The following TMOD1 variants were observed in gnomAD, a reference collection of about 807,000 sequenced individuals.
TMOD1 encodes tropomodulin-1.
Under a neutral mutation model 40.6 loss-of-function variants are expected in TMOD1, and 17 were observed. The observed-to-expected ratio is 0.42, with a 90% confidence interval of 0.29 to 0.63. The LOEUF is 0.63. Ranked by LOEUF, TMOD1 falls within the 20% of genes least tolerant of loss-of-function variation. The pLI is 0.22. For synonymous variants in TMOD1, 181 were observed against 175.0 expected, an observed-to-expected ratio of 1.03 and a Z score of -0.27; for missense variants, 391 against 447.6, an observed-to-expected ratio of 0.87 and a Z score of 1.14.
In TMOD1 at chr9:97,519,375, C is replaced by T. The variant is rs1017132650; in HGVS notation, c.-48-4766C>T. On this transcript the variant is annotated intron_variant, in intron 1 of 9. Coordinates refer to ENST00000259365, the MANE Select transcript of TMOD1 (RefSeq NM_003275.4). ...TTCTGCCACAGAGAAGCGGGGTGGCCGGATATGCTGTAAGTGTAAAATAGA... is the reference window on the plus strand; with the variant it reads ...TTCTGCCACAGAGAAGCGGGGTGGCTGGATATGCTGTAAGTGTAAAATAGA... Among the ~76,000 whole-genome samples the T allele has an allele frequency of 2.6e-5, 4 of 152,056 alleles. No homozygotes were observed. In the East Asian group the frequency reaches 7.7e-4, roughly 29 times the overall value.
chr9:97,560,767 G>A (rs1260274031), intron 4 of TMOD1, among the ~76,000 whole-genome samples: 2 of 151,564 alleles, frequency 1.3e-5, no homozygotes, highest in Admixed American at 1.3e-4. Context: ...GGGAGGCTGA[G>A]GCAGAGAATT....
At chr9:97,592,941 T>G (rs1826031224) in intron 9 of TMOD1, among the ~76,000 whole-genome samples, 1 of 152,200 alleles carries the variant, frequency 6.6e-6, no homozygotes, top group African/African-American at 2.4e-5. Flanking sequence ...TATCCTTACT[T>G]GAAATAAAAT....
rs74536742 is a variant in TMOD1, at chr9:97,529,071, G to A, written c.120+4763G>A. 1.6e-3 allele frequency among the ~76,000 whole-genome samples: 239 copies of A among 152,314 alleles called. 1 individual carries two copies. Among genetic ancestry groups the A allele is most frequent in the African/African-American group, 5.1e-3 (214 of 41,566 alleles). On this transcript the variant is annotated intron_variant, in intron 2 of 9. Coordinates refer to ENST00000259365, the MANE Select transcript of TMOD1 (RefSeq NM_003275.4). ...GGCGATGGCAGAGCCACTGCGTGTG[G>A]GTCTGGAGTCCACGACGTAGCCATG...
chr9:97,541,923 C>A (rs1252086503), intron 2 of TMOD1, among the ~76,000 whole-genome samples: 6 of 152,168 alleles, frequency 3.9e-5, no homozygotes, highest in African/African-American at 1.4e-4. Flanking sequence ...TATTTCCTCC[C>A]AATCTGTGGT....
chr9:97,550,511 T>G (rs898578754), intron 3 of TMOD1, among the ~76,000 whole-genome samples: 2 of 152,210 alleles, frequency 1.3e-5, no homozygotes, highest in Non-Finnish European at 2.9e-5. Context: ...AGGGCTCCAA[T>G]TTTCCACATT....
At chr9:97,590,939 G>A (rs1199149337) in intron 8 of TMOD1, among the ~76,000 whole-genome samples, 1 of 152,130 alleles carries the variant, frequency 6.6e-6, no homozygotes, top group Non-Finnish European at 1.5e-5. Flanking sequence ...GGTATAGCCC[G>A]GACAGCAGGG....
At chr9:97,512,667 C>G (rs1160304422) in intron 1 of TMOD1, 1 of 150,336 alleles carries the variant, frequency 6.7e-6, no homozygotes, top group Non-Finnish European at 1.5e-5. Context: ...AAAAAAAACC[C>G]CAAAAAACAC....
chr9:97,546,137 T>G (rs1334797977), intron 2 of TMOD1, 48 bp from the exon 3 acceptor site: 7 of 1,558,534 alleles, frequency 4.5e-6, no homozygotes, highest in Non-Finnish European at 6.0e-6. Context: ...TCTCTCTTTC[T>G]CTCTCTCTCT....
At chr9:97,587,528 A>ATGTCTCCTCTTCAT (rs1241567898) in intron 8 of TMOD1, among the ~76,000 whole-genome samples, 2 of 152,014 alleles carry the variant, frequency 1.3e-5, no homozygotes, top group Non-Finnish European at 1.5e-5. Flanking sequence ...CTCTTCAGTG[A>ATGTCTCCTCTTCAT]ATGTCTCTTC....
intron 1 of TMOD1, among the ~76,000 whole-genome samples, chr9:97,522,215 G>T (rs548646040): frequency 9.2e-5 from 14 of 152,308 alleles, no homozygotes; most frequent in Admixed American, 7.8e-4. Context: ...AGATCAAGGT[G>T]TCGGCAGTGT....
chr9:97,538,099 G>A (rs768823464), intron 2 of TMOD1, among the ~76,000 whole-genome samples: 2 of 152,164 alleles, frequency 1.3e-5, no homozygotes, highest in African/African-American at 4.8e-5. Flanking sequence ...GAGCTGGGTA[G>A]TGTGGAGGCA....
chr9:97,532,618 T>TAA (rs879305699), intron 2 of TMOD1, among the ~76,000 whole-genome samples: 1 of 145,126 alleles, frequency 6.9e-6, no homozygotes, highest in Non-Finnish European at 1.5e-5. Context: ...TGATCATTCT[T>TAA]AAAAAAAAAA....
intron 2 of TMOD1, among the ~76,000 whole-genome samples, chr9:97,529,377 A>T (rs1206772570): frequency 6.6e-6 from 1 of 152,084 alleles, no homozygotes; most frequent in Non-Finnish European, 1.5e-5. Flanking sequence ...TCTTTGAACC[A>T]TTCCTGGCTG....
intron 2 of TMOD1, among the ~76,000 whole-genome samples, chr9:97,532,815 T>C (rs1830123547): frequency 6.6e-6 from 1 of 152,196 alleles, no homozygotes; most frequent in African/African-American, 2.4e-5. Flanking sequence ...TCATCTTGGC[T>C]TATCTATTAC....
chr9:97,599,188 G>A (rs1160498653), intron 9 of TMOD1, among the ~76,000 whole-genome samples: 1 of 143,594 alleles, frequency 7.0e-6, no homozygotes, highest in Non-Finnish European at 1.6e-5. Flanking sequence ...GTAATCTTTC[G>A]GGTGGAAACT....
intron 8 of TMOD1, among the ~76,000 whole-genome samples, chr9:97,581,447 A>G (rs895844972): frequency 3.9e-5 from 6 of 152,048 alleles, no homozygotes; most frequent in Non-Finnish European, 8.8e-5. Context: ...TAATGCCGCA[A>G]TAAACATACG....
intron 8 of TMOD1, among the ~76,000 whole-genome samples, chr9:97,575,400 T>G (rs576540845): frequency 1.3e-5 from 2 of 152,112 alleles, no homozygotes; most frequent in Non-Finnish European, 2.9e-5. Context: ...ACCTCGAGGG[T>G]CCGCGGCTTC....
At chr9:97,548,069 T>A (rs982505907) in intron 3 of TMOD1, among the ~76,000 whole-genome samples, 1 of 152,234 alleles carries the variant, frequency 6.6e-6, no homozygotes, top group African/African-American at 2.4e-5. Context: ...CCGTAGCACA[T>A]AGAAGGCACC....
chr9:97,599,865 TATAAA>T lies in TMOD1; in HGVS notation c.*171_*175del. ...GACTAGTGGTTGTAGTTGAAAATTT[TATAAA>T]ATACCGTTAATGTGAAGTTTTTCTT... On this transcript the variant is annotated 3_prime_UTR_variant, in exon 10 of 10. Coordinates refer to ENST00000259365, the MANE Select transcript of TMOD1 (RefSeq NM_003275.4). 1 of 1,403,870 alleles carries T rather than the reference TATAAA, an allele frequency of 7.1e-7. No homozygotes were observed. The highest frequency in any genetic ancestry group is 9.3e-7 in the Non-Finnish European group (1 of 1,072,052). The allele number at this position is 1,403,870 out of a possible 1,614,324, so 87.0% of individuals were successfully genotyped here. A position where few individuals can be genotyped will look rare whatever the true frequency, so the allele number is the denominator to read the frequency against.
Sources: allele counts gnomAD v4.1 joint callset (sites outside exome capture counted in the v4.1 genomes callset), GRCh38; gene constraint gnomAD v4.1.1; transcripts MANE v1.5; gene names NCBI Gene and HGNC (gene_info 2026-07-23, HGNC 2026-07-21).